Variants in HMMR observed in about 807,000 individuals in gnomAD.
The protein encoded by HMMR is hyaluronan mediated motility receptor.
A neutral mutation model predicts 101.0 loss-of-function variants in HMMR; 108 were observed. The ratio of observed to expected loss-of-function variants is 1.07; its 90% CI spans 0.92 to 1.25. The LOEUF (loss-of-function observed/expected upper bound fraction) is 1.25. HMMR is among the 50% of genes most tolerant of loss of function. HMMR has a pLI of 0.00. For synonymous variants in HMMR, 296 were observed against 276.4 expected, an observed-to-expected ratio of 1.07 and a Z score of -0.70; for missense variants, 813 against 788.7, an observed-to-expected ratio of 1.03 and a Z score of -0.37.
chr5:163,465,963 C>CA (rs113595179), intron 3 of HMMR, among the ~76,000 whole-genome samples: 10,038 of 85,464 alleles, frequency 0.12, 496 homozygotes, highest in African/African-American at 0.2. Flanking sequence ...TCAGTCTCTC[C>CA]AAAAAAAAAA....
At chr5:163,475,968 T>G (rs960477921) in intron 11 of HMMR, among the ~76,000 whole-genome samples, 4 of 152,126 alleles carry the variant, frequency 2.6e-5, no homozygotes, top group Admixed American at 2.0e-4. Flanking sequence ...TTTACACTTC[T>G]TTACTACTCT....
At chr5:163,488,886 A>G (rs1434414911) in intron 16 of HMMR, among the ~76,000 whole-genome samples, 1 of 152,162 alleles carries the variant, frequency 6.6e-6, no homozygotes, top group Non-Finnish European at 1.5e-5. Flanking sequence ...TTCTCCTGCA[A>G]ACTAACTAGC....
At chr5:163,471,785 A>G (rs1195471065) in intron 7 of HMMR, among the ~76,000 whole-genome samples, 1 of 152,160 alleles carries the variant, frequency 6.6e-6, no homozygotes, top group Non-Finnish European at 1.5e-5. Context: ...TTTATGCACA[A>G]TCCTAGCCTT....
chr5:163,479,667 A>C (rs1759192434), intron 12 of HMMR, among the ~76,000 whole-genome samples: 1 of 152,200 alleles, frequency 6.6e-6, no homozygotes, highest in African/African-American at 2.4e-5. Flanking sequence ...TCTCAAAAAC[A>C]AACGAAAAAT....
chr5:163,480,374 CA>C (rs1759215438), intron 12 of HMMR, among the ~76,000 whole-genome samples: 1 of 152,060 alleles, frequency 6.6e-6, no homozygotes, highest in Non-Finnish European at 1.5e-5. Flanking sequence ...TGTGTGTTTT[CA>C]GGATTGAATT....
At chr5:163,473,944 T>G (rs1458691349) in intron 9 of HMMR, 113 bp from the exon 10 acceptor site, 2 of 827,694 alleles carry the variant, frequency 2.4e-6, no homozygotes, top group Non-Finnish European at 3.8e-6. Flanking sequence ...TTTGTTTTCT[T>G]CTTTGGAAAT....
chr5:163,484,940 T>C (rs1759423619), intron 16 of HMMR, among the ~76,000 whole-genome samples: 1 of 152,342 alleles, frequency 6.6e-6, no homozygotes, highest in South Asian at 2.1e-4. Flanking sequence ...TGTTGTAGCA[T>C]GGAGAGTACT....
chr5:163,461,209 T>C (rs1464652340), intron 1 of HMMR, among the ~76,000 whole-genome samples: 1 of 152,088 alleles, frequency 6.6e-6, no homozygotes, highest in Non-Finnish European at 1.5e-5. Flanking sequence ...GCAGCACTTA[T>C]TGAAAACATA....
chr5:163,461,827 T>G (rs1758546703), intron 1 of HMMR, among the ~76,000 whole-genome samples: 1 of 151,768 alleles, frequency 6.6e-6, no homozygotes, highest in Non-Finnish European at 1.5e-5. Flanking sequence ...TGCTACTAGA[T>G]CTTGTTTATT....
chr5:163,470,186 A>C (rs1304627756), intron 5 of HMMR, among the ~76,000 whole-genome samples: 1 of 151,972 alleles, frequency 6.6e-6, no homozygotes, highest in Non-Finnish European at 1.5e-5. Context: ...AAACAAAACA[A>C]AACAACATAC....
Position 163,484,177 on chromosome 5 carries a change from C to T in HMMR, c.1894C>T (p.His632Tyr). The change falls in exon 16 of 18, where the codon CAT becomes TAT. Residue 632 changes from histidine to tyrosine, a missense_variant. By Grantham distance (83) the His-to-Tyr change is moderately conservative. Transcript: ENST00000393915. The stretch of plus-strand genomic sequence containing the variant: ...AGATTCATATGCTAAATTATTGGGT[C>T]ATCAGAATTTGAAACAAAAAATCAA... The part of the protein sequence containing the change: ...IRDSYAKLLG[H>Y]QNLKQKIKHV... The T allele has an allele frequency of 6.2e-7, 1 of 1,604,268 alleles. No individual in the cohort carries two copies. Among genetic ancestry groups the T allele is most frequent in the Non-Finnish European group, 8.5e-7 (1 of 1,173,810 alleles).
intron 16 of HMMR, among the ~76,000 whole-genome samples, chr5:163,489,005 G>A (rs1374900298): frequency 1.3e-5 from 2 of 152,150 alleles, no homozygotes; most frequent in African/African-American, 4.8e-5. Context: ...CAGTTTTGTG[G>A]AAGGCAGTTT....
intron 8 of HMMR, 24 bp downstream of exon 8, chr5:163,473,277 T>G (rs377422759): frequency 6.7e-7 from 1 of 1,500,604 alleles, no homozygotes; most frequent in Non-Finnish European, 9.2e-7. Flanking sequence ...TAGCTTTAAA[T>G]TGAACCTTAT....
intron 13 of HMMR, 54 bp downstream of exon 13, chr5:163,482,842 G>C: frequency 2.0e-6 from 3 of 1,521,294 alleles, no homozygotes; most frequent in Non-Finnish European, 2.7e-6. Context: ...AATGTTGAAA[G>C]CCAGCTAGTA....
intron 16 of HMMR, 81 bp from the exon 17 acceptor site, chr5:163,490,309 A>G: frequency 1.1e-6 from 1 of 921,608 alleles, no homozygotes; most frequent in Non-Finnish European, 1.6e-6. Flanking sequence ...CAACTTTGGA[A>G]TTTGCCCGCA....
At chr5:163,482,164 G>T (rs184130922) in intron 12 of HMMR, among the ~76,000 whole-genome samples, 4 of 152,064 alleles carry the variant, frequency 2.6e-5, no homozygotes, top group African/African-American at 9.7e-5. Context: ...TGATCCACCC[G>T]TCTCGGCCTC....
intron 1 of HMMR, among the ~76,000 whole-genome samples, chr5:163,461,845 A>G (rs1039245321): frequency 2.6e-5 from 4 of 152,174 alleles, no homozygotes; most frequent in Admixed American, 6.5e-5. Flanking sequence ...ATTCCTTCCA[A>G]AAGCCAAGTG....
chr5:163,462,551 G>A (rs1413403158), intron 1 of HMMR, among the ~76,000 whole-genome samples: 1 of 152,040 alleles, frequency 6.6e-6, no homozygotes, highest in Non-Finnish European at 1.5e-5. Context: ...ATGGGGCTGG[G>A]CCTGGTGGTT....
chr5:163,473,907 A>G lies in HMMR; in HGVS notation c.905-150A>G, dbSNP rs184876036. The G allele has an allele frequency of 3.1e-3, 2,043 of 655,696 alleles. 5 individuals carry two copies. Among genetic ancestry groups the G allele is most frequent in the Admixed American group, 5.4e-3 (174 of 31,938 alleles). 40.6% of individuals were successfully genotyped at this position (655,696 alleles called of 1,614,324 possible). On this transcript the variant is annotated intron_variant, in intron 9 of 17. Coordinates refer to ENST00000393915, the MANE Select transcript of HMMR (RefSeq NM_001142556.2). ...TTATTTAGCACATAGTATATATTAC[A>G]TGGAGTAATGATACAAAGTTCACAG...
Sources: gnomAD v4.1 joint callset for allele counts (sites outside exome capture counted in the v4.1 genomes callset) on GRCh38, gnomAD v4.1.1 for gene constraint, MANE v1.5 for transcripts, NCBI Gene and HGNC (gene_info 2026-07-23, HGNC 2026-07-21) for gene names.